The following PATJ variants were observed in gnomAD, a reference collection of about 807,000 sequenced individuals.
PATJ encodes the protein inaD-like protein.
PATJ carries 190 observed loss-of-function variants against 224.9 expected under a neutral mutation model. The observed-to-expected ratio is 0.84, with a 90% CI of 0.75 to 0.95. The LOEUF (loss-of-function observed/expected upper bound fraction) is 0.95. PATJ is among the 40% of genes least tolerant of loss of function. PATJ has a pLI of 0.00. For missense variants in PATJ, 2,121 were observed against 2,270.3 expected (o/e 0.93, Z 1.34); for synonymous variants, 769 against 820.3 (o/e 0.94, Z 1.07).
intron 42 of PATJ, among the ~76,000 whole-genome samples, chr1:62,151,139 C>CA (rs904032619): frequency 3.1e-5 from 3 of 96,548 alleles, no homozygotes; most frequent in African/African-American, 8.7e-5. Context: ...AACTCTGTCT[C>CA]AAAAAACAAA....
At chr1:61,865,820 T>C (rs1406469809) in intron 20 of PATJ, among the ~76,000 whole-genome samples, 1 of 152,192 alleles carries the variant, frequency 6.6e-6, no homozygotes, top group Non-Finnish European at 1.5e-5. Context: ...TGTTGTGATG[T>C]GCAAAGTGTG....
At chr1:62,098,317 C>T (rs532945088) in intron 33 of PATJ, among the ~76,000 whole-genome samples, 205 of 145,710 alleles carry the variant, frequency 1.4e-3, no homozygotes, top group African/African-American at 5.0e-3. Context: ...CGAGATTGCA[C>T]GACTGCACTC....
chr1:61,751,624 A>G (rs1301723455), intron 1 of PATJ, among the ~76,000 whole-genome samples: 1 of 146,180 alleles, frequency 6.8e-6, no homozygotes, highest in Non-Finnish European at 1.5e-5. Flanking sequence ...ACAGGAGTGT[A>G]AGACCAGCCT....
chr1:61,997,699 C>T (rs1366437973), intron 28 of PATJ, among the ~76,000 whole-genome samples: 1 of 151,748 alleles, frequency 6.6e-6, no homozygotes, highest in East Asian at 1.9e-4. Context: ...TGCAATTTAT[C>T]CAGTACTAGT....
chr1:62,127,651 C>T (rs2148942892), intron 39 of PATJ, among the ~76,000 whole-genome samples: 1 of 152,132 alleles, frequency 6.6e-6, no homozygotes, highest in African/African-American at 2.4e-5. Context: ...ACTAAAAATA[C>T]AAAAAATTAG....
At position 62,044,872 on chromosome 1, in the gene PATJ, G is replaced by A. The variant is rs946526450; in HGVS notation, c.4033-6094G>A. Among the ~76,000 whole-genome samples the A allele has an allele frequency of 6.6e-5, 10 of 152,282 alleles. No homozygotes were observed. The East Asian group carries it at 1.2e-3, about 18-fold the overall frequency. On this transcript the variant is annotated intron_variant, in intron 30 of 43. Coordinates refer to ENST00000642238, the MANE Select transcript of PATJ (RefSeq NM_001350145.3). ...GAAATATTTGTGAATTTAGGTTGGC[G>A]ATGAGACTAAAATTATTTTGTGTGT...
At chr1:61,792,691 G>A (rs1472215028) in intron 9 of PATJ, among the ~76,000 whole-genome samples, 4 of 151,824 alleles carry the variant, frequency 2.6e-5, no homozygotes, top group South Asian at 2.1e-4. Context: ...CACCACCCCC[G>A]GATAATTTTT....
rs552934894 is a variant in PATJ at position 61,811,968 on chromosome 1, A to G, written c.1683+3438A>G. 3.7e-3 allele frequency among the ~76,000 whole-genome samples: 566 copies of G among 151,588 alleles called. 10 individuals carry two copies. Among genetic ancestry groups the G allele is most frequent in the Admixed American group, 0.033 (496 of 15,178 alleles). ...CCCAGCTACTCGGGAGGCTGGGGCA[A>G]GAGAATGGCGTGAACCCGGGAGGCG... On this transcript the variant is annotated intron_variant, in intron 14 of 43. Coordinates refer to ENST00000642238, the MANE Select transcript of PATJ (RefSeq NM_001350145.3).
At chr1:62,060,517 A>C (rs1185274874) in intron 31 of PATJ, among the ~76,000 whole-genome samples, 1 of 151,856 alleles carries the variant, frequency 6.6e-6, no homozygotes, top group African/African-American at 2.4e-5. Flanking sequence ...ACAGGCGCAC[A>C]GTACCATACT....
intron 11 of PATJ, among the ~76,000 whole-genome samples, chr1:61,800,098 G>C (rs772251310): frequency 1.1e-4 from 16 of 151,950 alleles, no homozygotes; most frequent in Non-Finnish European, 2.1e-4. Flanking sequence ...CTTTTCCTTT[G>C]GGTAGAAACC....
At chr1:61,890,514 T>C (rs925613694) in intron 22 of PATJ, among the ~76,000 whole-genome samples, 5 of 152,096 alleles carry the variant, frequency 3.3e-5, no homozygotes, top group African/African-American at 9.7e-5. Context: ...TCTTCTTCTT[T>C]GAGACAAGTT....
At position 62,086,246 on chromosome 1, in the gene PATJ, G is replaced by GTGTGTGTGTGTGTGTGTGTGTGTGTGTA. The variant is rs1485900733; in HGVS notation, c.4377+1611_4377+1612insGTGTGTGTGTGTGTATGTGTGTGTGTGT. ...TTAATGCATGTGTGTGTGTGTGTATGTGTGTGTGTGTGTTTAATACCTGCA... is the reference window on the plus strand; with the variant it reads ...TTAATGCATGTGTGTGTGTGTGTATGTGTGTGTGTGTGTGTGTGTGTGTGTGTATGTGTGTGTGTGTTTAATACCTGCA... On this transcript the variant is annotated intron_variant, in intron 33 of 43. Coordinates refer to ENST00000642238, the MANE Select transcript of PATJ (RefSeq NM_001350145.3). This position sits in a 1 kb window ranked among gnomAD's most constrained non-coding sequence, Gnocchi z 4.0. 1.4e-3 allele frequency among the ~76,000 whole-genome samples: 206 copies of GTGTGTGTGTGTGTGTGTGTGTGTGTGTA among 151,558 alleles called. No individual in the cohort carries two copies. The highest frequency in any genetic ancestry group is 1.8e-3 in the Non-Finnish European group (122 of 67,806).
In PATJ at chr1:61,797,353, C is replaced by T; in HGVS notation, c.1327C>T (p.Gln443Ter). ...DVVEVLRNAG[Q>*]VVHLTLVRRK... ...TGTTGAAGTATTACGAAATGCAGGG[C>T]AGGTGGTACACCTAACCCTAGTTCG... Residue 443 changes from glutamine to a stop codon, truncating the protein, a stop_gained, in exon 11 of 44, where the codon CAG (glutamine) becomes TAG (stop). Coordinates refer to ENST00000642238, the MANE Select transcript of PATJ (RefSeq NM_001350145.3). LOFTEE classifies it high-confidence loss of function. 1 of 1,613,850 alleles carries T rather than the reference C, an allele frequency of 6.2e-7. No homozygotes were observed. The highest frequency in any genetic ancestry group is 8.5e-7 in the Non-Finnish European group (1 of 1,179,716).
chr1:62,019,611 G>A (rs1193982620), intron 29 of PATJ, among the ~76,000 whole-genome samples: 1 of 152,072 alleles, frequency 6.6e-6, no homozygotes, highest in South Asian at 2.1e-4. Context: ...TTCAGAGAGT[G>A]AAAGCTTCCT....
intron 27 of PATJ, among the ~76,000 whole-genome samples, chr1:61,948,527 C>T (rs1679113600): frequency 6.6e-6 from 1 of 152,156 alleles, no homozygotes. Flanking sequence ...CCATCTCACA[C>T]CAGTTAGAAT....
intron 43 of PATJ, among the ~76,000 whole-genome samples, chr1:62,157,763 G>A (rs1418808095): frequency 6.9e-6 from 1 of 144,918 alleles, no homozygotes; most frequent in Non-Finnish European, 1.5e-5. Flanking sequence ...CCTGGAAGGC[G>A]GAGGTTGCAG....
chr1:62,117,447 T>G, intron 37 of PATJ: 1 of 1,362,490 alleles, frequency 7.3e-7, no homozygotes, highest in Non-Finnish European at 9.5e-7. Context: ...TCTTGGAAGC[T>G]CTTTTCTCTC....
intron 28 of PATJ, among the ~76,000 whole-genome samples, chr1:61,994,895 T>G (rs1645268254): frequency 6.6e-6 from 1 of 152,204 alleles, no homozygotes; most frequent in Non-Finnish European, 1.5e-5. Context: ...ATCTTCTCAT[T>G]GGGCTTTAGG....
intron 31 of PATJ, among the ~76,000 whole-genome samples, chr1:62,064,077 C>A (rs1300403427): frequency 4.6e-5 from 7 of 152,098 alleles, no homozygotes; most frequent in African/African-American, 1.7e-4. Context: ...TTGTCTTGTT[C>A]CAGTTCTGAA....
Sources: allele counts gnomAD v4.1 joint callset (sites outside exome capture counted in the v4.1 genomes callset), GRCh38; gene constraint gnomAD v4.1.1; non-coding constraint Gnocchi (gnomAD v3.1); transcripts MANE v1.5; gene names NCBI Gene and HGNC (gene_info 2026-07-23, HGNC 2026-07-21).